The following WDR25 variants were observed in gnomAD, a reference collection of about 807,000 sequenced individuals.
The protein encoded by WDR25 is WD repeat domain 25, also known as WD repeat-containing protein 25.
In WDR25, 35 loss-of-function variants were observed where a neutral mutation model predicts 47.7. That is an observed-to-expected ratio of 0.73 (90% CI 0.56 to 0.97). The LOEUF is 0.97. Ranked by LOEUF, WDR25 falls within the 50% of genes least tolerant of loss-of-function variation. The pLI is 0.00. For missense variants in WDR25, 634 were observed against 704.7 expected, an observed-to-expected ratio of 0.90 and a Z score of 1.14; for synonymous variants, 248 against 278.9, an observed-to-expected ratio of 0.89 and a Z score of 1.10.
intron 2 of WDR25, among the ~76,000 whole-genome samples, chr14:100,436,810 C>T (rs1898514407): frequency 1.3e-5 from 2 of 152,200 alleles, no homozygotes; most frequent in South Asian, 4.1e-4. Context: ...TTCGCTCTCG[C>T]CCCCTGAGCT....
chr14:100,454,507 A>G (rs746597963), intron 2 of WDR25: 40 of 1,198,258 alleles, frequency 3.3e-5, no homozygotes, highest in Admixed American at 3.2e-4. Context: ...GCTAACAACT[A>G]TAAACTGTAC....
chr14:100,420,295 C>G (rs887036073), intron 2 of WDR25, among the ~76,000 whole-genome samples: 4 of 152,042 alleles, frequency 2.6e-5, no homozygotes, highest in African/African-American at 9.7e-5. Flanking sequence ...TGTGTTTTAC[C>G]TTTCACTTGT....
chr14:100,492,726 C>T (rs192886795), intron 4 of WDR25, among the ~76,000 whole-genome samples: 3 of 152,096 alleles, frequency 2.0e-5, no homozygotes, highest in African/African-American at 7.2e-5. Context: ...TACTTGAAAA[C>T]TTATTTTAGC....
rs750741898 is a variant in WDR25 at position 100,525,183 on chromosome 14, G to A, written c.1102-687G>A. Among the ~76,000 whole-genome samples the A allele has an allele frequency of 2.0e-5, 3 of 152,280 alleles. No individual in the cohort carries two copies. Among genetic ancestry groups the A allele is most frequent in the South Asian group, 2.1e-4 (1 of 4,818 alleles). On this transcript the variant is annotated intron_variant, in intron 4 of 6. Coordinates refer to ENST00000402312, the MANE Select transcript of WDR25 (RefSeq NM_001161476.3). This position sits in a 1 kb window ranked among gnomAD's most constrained non-coding sequence, Gnocchi z 4.6. ...GTTTGTTAAGTGGAGCTACTTGCTG[G>A]TCCTGGTACTGGGACCCTTCTCCAT...
At chr14:100,406,799 TG>T (rs1897551366) in intron 2 of WDR25, 2 of 152,240 alleles carry the variant, frequency 1.3e-5, no homozygotes, top group African/African-American at 4.8e-5. Flanking sequence ...TGTGAAAGAG[TG>T]AGTGAGTGAA....
chr14:100,529,769 AC>A lies in WDR25; in HGVS notation c.1414-47del. The A allele has an allele frequency of 3.8e-6, 6 of 1,577,338 alleles. No homozygotes were observed. Among genetic ancestry groups the A allele is most frequent in the Non-Finnish European group, 5.2e-6 (6 of 1,160,374 alleles). On this transcript the variant is annotated intron_variant, in intron 6 of 6. Transcript: ENST00000402312. The surrounding 1 kb of genome is among the most constrained non-coding windows in gnomAD (Gnocchi z 5.1). ...GCTCCTCTGTAGAATGGGCATACTC[AC>A]CCCGGCTTGACAGGTGCGGCTTGCT... is the stretch of plus-strand genomic sequence containing the variant.
chr14:100,401,671 T>C (rs1342307197), intron 2 of WDR25, among the ~76,000 whole-genome samples: 1 of 152,256 alleles, frequency 6.6e-6, no homozygotes, highest in Non-Finnish European at 1.5e-5. Context: ...CTTTTTACTT[T>C]GTTTCTGATC....
At chr14:100,456,832 G>C (rs1232241864) in intron 2 of WDR25, among the ~76,000 whole-genome samples, 4 of 152,154 alleles carry the variant, frequency 2.6e-5, no homozygotes, top group African/African-American at 4.8e-5. Flanking sequence ...AGAAATAATG[G>C]CTGAAACTTT....
At chr14:100,474,588 G>A (rs1214879819) in intron 3 of WDR25, among the ~76,000 whole-genome samples, 1 of 152,184 alleles carries the variant, frequency 6.6e-6, no homozygotes, top group Admixed American at 6.5e-5. Flanking sequence ...TTGGAATGGC[G>A]AGTTCCGAGT....
At chr14:100,456,661 G>A (rs1211667390) in intron 2 of WDR25, among the ~76,000 whole-genome samples, 2 of 152,142 alleles carry the variant, frequency 1.3e-5, no homozygotes, top group Non-Finnish European at 2.9e-5. Context: ...AGAGGTTAGC[G>A]AACTTGAAGT....
intron 4 of WDR25, among the ~76,000 whole-genome samples, chr14:100,514,774 C>G (rs1025778252): frequency 6.6e-6 from 1 of 152,004 alleles, no homozygotes; most frequent in African/African-American, 2.4e-5. Context: ...AAGATATTAT[C>G]TATTTTCCTA....
intron 2 of WDR25, among the ~76,000 whole-genome samples, chr14:100,466,255 C>T (rs574081209): frequency 6.6e-6 from 1 of 152,170 alleles, no homozygotes; most frequent in Non-Finnish European, 1.5e-5. Context: ...ACTGAGCTCT[C>T]TTCACATTTT....
At chr14:100,457,700 CA>C (rs1008690951) in intron 2 of WDR25, among the ~76,000 whole-genome samples, 1 of 152,100 alleles carries the variant, frequency 6.6e-6, no homozygotes, top group Non-Finnish European at 1.5e-5. Context: ...AAATCACTTT[CA>C]ATGATGATTG....
intron 4 of WDR25, among the ~76,000 whole-genome samples, chr14:100,519,863 C>T (rs551542590): frequency 3.0e-5 from 4 of 132,282 alleles, no homozygotes; most frequent in Non-Finnish European, 6.3e-5. Flanking sequence ...TATATATATA[C>T]TATATATACA....
At chr14:100,527,785 G>GCAGCCTCTGTGCCTCTGATGGCCACAT (rs2030259176) in intron 5 of WDR25, among the ~76,000 whole-genome samples, 1 of 152,246 alleles carries the variant, frequency 6.6e-6, no homozygotes, top group Non-Finnish European at 1.5e-5. Flanking sequence ...TCTGGCCATG[G>GCAGCCTCTGTGCCTCTGATGGCCACAT]CAGCCTCTGT....
At chr14:100,403,415 G>A (rs781105902) in intron 2 of WDR25, among the ~76,000 whole-genome samples, 3 of 152,214 alleles carry the variant, frequency 2.0e-5, no homozygotes, top group Admixed American at 6.5e-5. Flanking sequence ...TATTGGGATC[G>A]TTGGGACTCC....
At chr14:100,503,083 G>A (rs538856486) in intron 4 of WDR25, among the ~76,000 whole-genome samples, 20 of 151,826 alleles carry the variant, frequency 1.3e-4, no homozygotes, top group East Asian at 1.2e-3. Context: ...GTGTGCATGC[G>A]CATTCAGAGG....
chr14:100,473,870 G>C (rs926798837), intron 3 of WDR25, among the ~76,000 whole-genome samples: 2 of 152,196 alleles, frequency 1.3e-5, no homozygotes, highest in Non-Finnish European at 2.9e-5. Flanking sequence ...TTTCGCTAGC[G>C]TAGCTTAGGA....
intron 2 of WDR25, among the ~76,000 whole-genome samples, chr14:100,398,170 T>C (rs1411486309): frequency 1.3e-5 from 2 of 152,218 alleles, no homozygotes; most frequent in African/African-American, 4.8e-5. Context: ...GTGGGGAGTG[T>C]GAAGAGGTTG....
Sources: allele counts gnomAD v4.1 joint callset (sites outside exome capture counted in the v4.1 genomes callset), GRCh38; gene constraint gnomAD v4.1.1; non-coding constraint Gnocchi (gnomAD v3.1); transcripts MANE v1.5; gene names NCBI Gene and HGNC (gene_info 2026-07-23, HGNC 2026-07-21).